The following GATA3 variants were observed in gnomAD, a reference collection of about 807,000 sequenced individuals.
GATA3 encodes trans-acting T-cell-specific transcription factor GATA-3.
In GATA3, 6 loss-of-function variants were observed where a neutral mutation model predicts 36.0. The observed-to-expected ratio is 0.17, with a 90% CI of 0.09 to 0.33. The LOEUF is 0.33. Ranked by LOEUF, GATA3 falls within the 10% of genes least tolerant of loss-of-function variation. GATA3 has a pLI of 1.00. For synonymous variants in GATA3, 326 were observed against 273.0 expected, an observed-to-expected ratio of 1.19 and a Z score of -1.92; for missense variants, 514 against 610.1, an observed-to-expected ratio of 0.84 and a Z score of 1.66.
rs554167103 is a variant in GATA3 at position 8,061,229 on chromosome 10, C to T, written c.778+2388C>T. Among the ~76,000 whole-genome samples the T allele has an allele frequency of 4.6e-5, 7 of 152,270 alleles. No homozygotes were observed. In the East Asian group the frequency reaches 7.7e-4, roughly 17 times the overall value. Reference sequence around the variant, plus strand: ...ATTGCTGTCTTAACGCCTGGGCTTTCGGGGCTGGGACGAAGCTTTTGCAAA... The same window carrying T: ...ATTGCTGTCTTAACGCCTGGGCTTTTGGGGCTGGGACGAAGCTTTTGCAAA... On this transcript the variant is annotated intron_variant, in intron 3 of 5. Coordinates refer to ENST00000379328, the MANE Select transcript of GATA3 (RefSeq NM_001002295.2).
At chr10:8,046,574 T>C (rs900907605) in intron 1 of GATA3, among the ~76,000 whole-genome samples, 1 of 150,760 alleles carries the variant, frequency 6.6e-6, no homozygotes, top group Non-Finnish European at 1.5e-5. Flanking sequence ...GTGGGTGGGC[T>C]GGGGGTCTAG....
intron 1 of GATA3, among the ~76,000 whole-genome samples, chr10:8,047,749 T>C (rs756671128): frequency 2.6e-5 from 4 of 152,134 alleles, no homozygotes; most frequent in Admixed American, 6.5e-5. Context: ...TTGTTTTATA[T>C]AACAAATTGC....
At chr10:8,062,416 T>A (rs1443815214) in intron 3 of GATA3, among the ~76,000 whole-genome samples, 1 of 151,606 alleles carries the variant, frequency 6.6e-6, no homozygotes, top group Non-Finnish European at 1.5e-5. Flanking sequence ...GCACCATCCC[T>A]GACTTTCAAG....
At chr10:8,063,099 T>C (rs1341068726) in intron 3 of GATA3, among the ~76,000 whole-genome samples, 1 of 152,192 alleles carries the variant, frequency 6.6e-6, no homozygotes, top group Non-Finnish European at 1.5e-5. Flanking sequence ...GTTTGTGTTT[T>C]TGGGAAAAGA....
At chr10:8,071,283 G>A (rs1266442436) in intron 5 of GATA3, among the ~76,000 whole-genome samples, 3 of 152,190 alleles carry the variant, frequency 2.0e-5, no homozygotes, top group Non-Finnish European at 4.4e-5. Context: ...GCTTTCCTGG[G>A]AAGTTGGCAG....
upstream of GATA3, among the ~76,000 whole-genome samples, chr10:8,049,272 G>A (rs1038570127): frequency 1.3e-5 from 2 of 152,150 alleles, no homozygotes; most frequent in African/African-American, 4.8e-5. Context: ...GGACGCACCC[G>A]CCTCCATCAT....
chr10:8,064,308 CTTCTTT>C (rs1564401613), intron 4 of GATA3, among the ~76,000 whole-genome samples, 170 bp downstream of exon 4: 125 of 114,102 alleles, frequency 1.1e-3, no homozygotes, highest in South Asian at 1.4e-3. Flanking sequence ...TTTTCTTCTT[CTTCTTT>C]TTTTTTTTTT....
chr10:8,068,185 CT>C (rs958996377), intron 4 of GATA3, among the ~76,000 whole-genome samples: 1 of 151,960 alleles, frequency 6.6e-6, no homozygotes, highest in African/African-American at 2.4e-5. Context: ...AAAAATCTCT[CT>C]TTTAAAGGAA....
Position 8,055,920 on chromosome 10 carries a change from G to C in GATA3, c.241+24G>C, listed in dbSNP as rs1194640189. On this transcript the variant is annotated intron_variant, in intron 2 of 5. Coordinates refer to ENST00000379328, the MANE Select transcript of GATA3 (RefSeq NM_001002295.2). This position sits in a 1 kb window ranked among gnomAD's most constrained non-coding sequence, Gnocchi z 5.4. ...CGGTGAGTGCGCCCGGGGTGCCGGG[G>C]CTCCCGCCGGCCGCTTCAGCCGTCC... is the stretch of plus-strand genomic sequence containing the variant. 6.4e-7 allele frequency: 1 copy of C among 1,550,482 alleles called. No individual in the cohort carries two copies. The highest frequency in any genetic ancestry group is 2.0e-5 in the Admixed American group (1 of 51,056).
At chr10:8,051,147 T>C (rs1413047188), upstream of GATA3, 3 of 257,884 alleles carry the variant, frequency 1.2e-5, no homozygotes, top group East Asian at 1.1e-4. Context: ...TCTTCGCCCC[T>C]GGGAGGGCGG....
At chr10:8,066,205 A>G (rs1564402369) in intron 4 of GATA3, among the ~76,000 whole-genome samples, 2 of 152,136 alleles carry the variant, frequency 1.3e-5, no homozygotes, top group African/African-American at 4.8e-5. Flanking sequence ...CAGATTGCAG[A>G]GGAGGATCGT....
At chr10:8,073,601 G>A in intron 5 of GATA3, 138 bp from the exon 6 acceptor site, 1 of 909,838 alleles carries the variant, frequency 1.1e-6, no homozygotes, top group Non-Finnish European at 1.6e-6. Flanking sequence ...AGGTGGGAGG[G>A]AGGAAGGGGC....
At chr10:8,046,484 T>A (rs1328180559) in intron 1 of GATA3, among the ~76,000 whole-genome samples, 3 of 152,062 alleles carry the variant, frequency 2.0e-5, no homozygotes, top group African/African-American at 7.2e-5. Context: ...TTAAGAACTT[T>A]AAAGGGATCC....
At chr10:8,057,793 G>A (rs1245376846) in intron 2 of GATA3, among the ~76,000 whole-genome samples, 2 of 152,116 alleles carry the variant, frequency 1.3e-5, no homozygotes, top group Admixed American at 6.5e-5. Flanking sequence ...TGACTCCAGG[G>A]TCGTTTTCTG....
chr10:8,046,915 A>C (rs1451694205), intron 1 of GATA3, among the ~76,000 whole-genome samples: 1 of 152,020 alleles, frequency 6.6e-6, no homozygotes, highest in African/African-American at 2.4e-5. Context: ...TGGCCCAAGA[A>C]GCCGCAGGGC....
In GATA3 at chr10:8,064,311, CT is replaced by C. The variant is rs59943653; in HGVS notation, c.924+190del. Among the ~76,000 whole-genome samples, 1,123 of 51,420 alleles carry C rather than the reference CT, an allele frequency of 0.022. 11 individuals carry two copies. Among genetic ancestry groups the C allele is most frequent in the Middle Eastern group, 0.07 (6 of 86 alleles). 33.7% of individuals were successfully genotyped at this position (51,420 alleles called of 152,430 possible). ...TTTCTTTCTTTCTTTTCTTCTTCTT[CT>C]TTTTTTTTTTTTTTTTCAAATTTGA... is the stretch of plus-strand genomic sequence containing the variant. On this transcript the variant is annotated intron_variant, in intron 4 of 5. Transcript: ENST00000379328.
At chr10:8,064,308 C>CTTT (rs1315616378) in intron 4 of GATA3, among the ~76,000 whole-genome samples, 170 bp downstream of exon 4, 1,683 of 113,834 alleles carry the variant, frequency 0.015, 21 homozygotes, top group Middle Eastern at 0.029. Flanking sequence ...TTTTCTTCTT[C>CTTT]TTCTTTTTTT....
At chr10:8,049,561 C>A (rs1031675705), upstream of GATA3, among the ~76,000 whole-genome samples, 1 of 152,148 alleles carries the variant, frequency 6.6e-6, no homozygotes, top group East Asian at 1.9e-4. Context: ...GCGGGCTCCC[C>A]GCGGTGTGGC....
In GATA3 at chr10:8,074,687, C is replaced by T. The variant is rs192494656; in HGVS notation, c.*664C>T. ...AGGCCTACATGCTTTGTGAACAAGT[C>T]CCTGTAATTGTTGTTTGTATGTATA... On this transcript the variant is annotated 3_prime_UTR_variant, in exon 6 of 6. Coordinates refer to ENST00000379328, the MANE Select transcript of GATA3 (RefSeq NM_001002295.2). 2.0e-3 allele frequency: 458 copies of T among 233,642 alleles called. No homozygotes were observed. The highest frequency in any genetic ancestry group is 3.1e-3 in the Non-Finnish European group (365 of 118,072). The allele number at this position is 233,642 out of a possible 1,614,324, so 14.5% of individuals were successfully genotyped here.
Sources: allele counts gnomAD v4.1 joint callset (sites outside exome capture counted in the v4.1 genomes callset), GRCh38; gene constraint gnomAD v4.1.1; non-coding constraint Gnocchi (gnomAD v3.1); transcripts MANE v1.5; gene names NCBI Gene and HGNC (gene_info 2026-07-23, HGNC 2026-07-21).